RC3H2: variants seen among roughly 807,000 people sequenced by gnomAD.
RC3H2 encodes the protein ring finger and CCCH-type domains 2.
RC3H2 carries 31 observed loss-of-function variants against 133.3 expected under a neutral mutation model. That is an observed-to-expected ratio of 0.23 (90% confidence interval 0.17 to 0.31). The LOEUF (loss-of-function observed/expected upper bound fraction) is 0.31, where lower values mean the gene tolerates loss of function less well. Ranked by LOEUF, RC3H2 falls within the 10% of genes least tolerant of loss-of-function variation. The pLI, the probability that RC3H2 is intolerant of heterozygous loss-of-function variation, is 1.00. For synonymous variants in RC3H2, 517 were observed against 502.2 expected, an observed-to-expected ratio of 1.03 and a Z score of -0.40; for missense variants, 1,175 against 1,437.2, an observed-to-expected ratio of 0.82 and a Z score of 2.95.
In RC3H2 at chr9:122,858,664, C is replaced by T; in HGVS notation, c.2283+5G>A. 6.2e-7 allele frequency: 1 copy of T among 1,603,368 alleles called. No homozygotes were observed. Among genetic ancestry groups the T allele is most frequent in the Non-Finnish European group, 8.5e-7 (1 of 1,177,206 alleles). On this transcript the variant is annotated splice_donor_5th_base_variant and intron_variant, in intron 12 of 20. Coordinates refer to ENST00000357244, the MANE Select transcript of RC3H2 (RefSeq NM_001100588.3). ...TGACTACATTATAGTAGCATCTTCA[C>T]TTACCCTTGGTAAAGGCACAGTTGT...
chr9:122,868,877 GTGTGTGT>G (rs1830907715), intron 9 of RC3H2, among the ~76,000 whole-genome samples: 1 of 17,924 alleles, frequency 5.6e-5, no homozygotes, highest in Non-Finnish European at 2.4e-4. Flanking sequence ...GTGTGTGTGT[GTGTGTGT>G]GTGTGTATGT....
intron 18 of RC3H2, among the ~76,000 whole-genome samples, chr9:122,852,271 G>A (rs1342943640): frequency 9.7e-5 from 14 of 144,604 alleles, no homozygotes; most frequent in Non-Finnish European, 1.4e-4. Flanking sequence ...CAGCCGCCCC[G>A]TATGAGAAGT....
chr9:122,846,517 A>G lies in RC3H2; in HGVS notation c.*3110T>C, dbSNP rs1484019218. The stretch of plus-strand genomic sequence containing the variant: ...TAAAATGAAATGAAACCACAAAAAA[A>G]CTGATGCTACAACCACAGTAACTGA... On this transcript the variant is annotated 3_prime_UTR_variant, in exon 21 of 21. Coordinates refer to ENST00000357244, the MANE Select transcript of RC3H2 (RefSeq NM_001100588.3). 2 of 152,188 alleles carry G rather than the reference A, an allele frequency of 1.3e-5. No individual in the cohort carries two copies. The highest frequency in any genetic ancestry group is 2.9e-5 in the Non-Finnish European group (2 of 68,024). The allele number at this position is 152,188 out of a possible 1,614,324, so 9.4% of individuals were successfully genotyped here. A position where few individuals can be genotyped will look rare whatever the true frequency, so the allele number is the denominator to read the frequency against.
chr9:122,904,156 C>T (rs1459199796), intron 1 of RC3H2, among the ~76,000 whole-genome samples: 2 of 152,054 alleles, frequency 1.3e-5, no homozygotes, highest in African/African-American at 4.8e-5. Context: ...ACTCACCCAC[C>T]CACAATGGGT....
At chr9:122,895,247 C>T (rs1047739466) in intron 2 of RC3H2, among the ~76,000 whole-genome samples, 3 of 151,808 alleles carry the variant, frequency 2.0e-5, no homozygotes, top group Non-Finnish European at 4.4e-5. Context: ...GCAGCCTCGA[C>T]CTCCTGGGCT....
At chr9:122,858,575 A>G (rs1165346246) in intron 12 of RC3H2, 94 bp downstream of exon 12, 3 of 1,021,040 alleles carry the variant, frequency 2.9e-6, no homozygotes, top group Admixed American at 4.5e-5. Flanking sequence ...AAGTCACACA[A>G]TTAGTAAGTG....
intron 4 of RC3H2, among the ~76,000 whole-genome samples, chr9:122,888,216 A>T (rs1224296236): frequency 6.6e-6 from 1 of 152,226 alleles, no homozygotes; most frequent in Non-Finnish European, 1.5e-5. Context: ...ATATTCCACT[A>T]GGGATATAAA....
intron 10 of RC3H2, among the ~76,000 whole-genome samples, chr9:122,864,194 A>C (rs1182558180): frequency 2.0e-5 from 3 of 152,258 alleles, no homozygotes; most frequent in African/African-American, 7.2e-5. Flanking sequence ...ATTTATAGGC[A>C]ACAAAATCTG....
rs190053372 is a variant in RC3H2 at position 122,847,570 on chromosome 9, G to A, written c.*2057C>T. The A allele has an allele frequency of 2.0e-5, 3 of 152,182 alleles. No individual in the cohort carries two copies. Among genetic ancestry groups the A allele is most frequent in the Non-Finnish European group, 2.9e-5 (2 of 67,962 alleles). 9.4% of individuals were successfully genotyped at this position (152,182 alleles called of 1,614,324 possible). ...ATTGGAAGCATTTCAAATGTAATAA[G>A]CACATATTTATAGAAAGGTTCTGAT... is the stretch of plus-strand genomic sequence containing the variant. On this transcript the variant is annotated 3_prime_UTR_variant, in exon 21 of 21. Coordinates refer to ENST00000357244, the MANE Select transcript of RC3H2 (RefSeq NM_001100588.3).
intron 4 of RC3H2, among the ~76,000 whole-genome samples, chr9:122,887,745 T>A (rs2131478938): frequency 6.7e-6 from 1 of 149,300 alleles, no homozygotes; most frequent in East Asian, 2.0e-4. Flanking sequence ...TTGTATCTTT[T>A]TTTTTTTTTT....
chr9:122,896,085 A>G (rs1388831875), intron 2 of RC3H2, among the ~76,000 whole-genome samples: 1 of 149,746 alleles, frequency 6.7e-6, no homozygotes, highest in Non-Finnish European at 1.5e-5. Flanking sequence ...TGGGCCACAC[A>G]TAAGATACAC....
intron 4 of RC3H2, among the ~76,000 whole-genome samples, chr9:122,887,909 A>G (rs955925021): frequency 3.3e-5 from 5 of 152,066 alleles, no homozygotes; most frequent in African/African-American, 9.6e-5. Flanking sequence ...ACACCTGGCT[A>G]ATTTTTTCTA....
chr9:122,865,382 G>A lies in RC3H2; in HGVS notation c.1601C>T (p.Ala534Val). The change falls in exon 10 of 21, where the codon GCT (alanine) becomes GTT (valine). Residue 534 changes from alanine (A) to valine (V), a missense_variant. Transcript: ENST00000357244. Reference protein sequence around the residue: ...VGKVGANGQNAAGPSADSVTE... With the variant: ...VGKVGANGQNVAGPSADSVTE... ...TACAGAATCTGCAGAGGGCCCAGCA[G>A]CATTCTGACCATTAGCGCCAACCTT... The A allele has an allele frequency of 6.2e-7, 1 of 1,613,002 alleles. No individual in the cohort carries two copies.
intron 3 of RC3H2, among the ~76,000 whole-genome samples, chr9:122,892,434 A>G (rs1832221372): frequency 6.6e-6 from 1 of 151,038 alleles, no homozygotes; most frequent in Admixed American, 6.6e-5. Context: ...TTTTTTTGAG[A>G]CAGTCTTGCT....
chr9:122,877,630 A>G (rs765396428), intron 8 of RC3H2, 47 bp from the exon 9 acceptor site: 19 of 1,420,552 alleles, frequency 1.3e-5, no homozygotes, highest in Non-Finnish European at 1.8e-5. Flanking sequence ...TGAAGATTCC[A>G]TTTGTTATTC....
At chr9:122,866,132 T>C (rs1830639667) in intron 9 of RC3H2, among the ~76,000 whole-genome samples, 1 of 152,110 alleles carries the variant, frequency 6.6e-6, no homozygotes, top group African/African-American at 2.4e-5. Context: ...TTATATAATT[T>C]AAAAAAATAA....
intron 9 of RC3H2, among the ~76,000 whole-genome samples, chr9:122,867,243 C>G (rs1221907381): frequency 3.2e-5 from 3 of 94,774 alleles, no homozygotes; most frequent in African/African-American, 8.6e-5. Flanking sequence ...GGGGGATCAG[C>G]CCCCCGCCCG....
intron 16 of RC3H2, 114 bp downstream of exon 16, chr9:122,854,417 T>C (rs977377708): frequency 6.0e-6 from 7 of 1,165,908 alleles, no homozygotes; most frequent in South Asian, 2.6e-5. Flanking sequence ...AAATTTGTTA[T>C]ATAGCTCAGA....
chr9:122,889,275 A>G (rs1192824865), intron 4 of RC3H2, among the ~76,000 whole-genome samples: 1 of 152,166 alleles, frequency 6.6e-6, no homozygotes, highest in Non-Finnish European at 1.5e-5. Flanking sequence ...TTAAAGTTAG[A>G]AAAATGTTCC....
Sources: allele counts gnomAD v4.1 joint callset (sites outside exome capture counted in the v4.1 genomes callset), GRCh38; gene constraint gnomAD v4.1.1; transcripts MANE v1.5; gene names NCBI Gene and HGNC (gene_info 2026-07-23, HGNC 2026-07-21).